DIRAS2: variants seen among roughly 807,000 people sequenced by gnomAD.
The protein encoded by DIRAS2 is DIRAS family GTPase 2, also known as GTP-binding protein Di-Ras2.
Under a neutral mutation model 13.9 loss-of-function variants are expected in DIRAS2, and 5 were observed. That is an observed-to-expected ratio of 0.36 (90% confidence interval 0.19 to 0.76). DIRAS2 has a LOEUF of 0.76. Among genes scored for constraint, DIRAS2 ranks in the 30% least tolerant of loss-of-function variants. The probability of loss-of-function intolerance (pLI) is 0.53; values close to 1 mark genes in which losing one functional copy is unlikely to be tolerated. For missense variants in DIRAS2, 191 were observed against 263.0 expected, an observed-to-expected ratio of 0.73 and a Z score of 1.89; for synonymous variants, 111 against 105.4, an observed-to-expected ratio of 1.05 and a Z score of -0.33.
At chr9:90,628,662 T>C (rs1022680677) in intron 1 of DIRAS2, among the ~76,000 whole-genome samples, 5 of 151,876 alleles carry the variant, frequency 3.3e-5, no homozygotes, top group African/African-American at 4.8e-5. Context: ...CCTCCCACCT[T>C]AGCATCCACA....
intron 1 of DIRAS2, among the ~76,000 whole-genome samples, chr9:90,617,680 G>A (rs1825182056): frequency 6.6e-6 from 1 of 152,084 alleles, no homozygotes; most frequent in African/African-American, 2.4e-5. Flanking sequence ...TGATGGACAA[G>A]GAGAAAAATT....
chr9:90,630,527 C>A (rs1219461750), intron 1 of DIRAS2, among the ~76,000 whole-genome samples: 1 of 152,148 alleles, frequency 6.6e-6, no homozygotes. Flanking sequence ...TTATAAAAAT[C>A]AGACTTTTAA....
intron 1 of DIRAS2, among the ~76,000 whole-genome samples, chr9:90,620,308 G>A (rs1042484788): frequency 2.6e-5 from 4 of 152,186 alleles, no homozygotes; most frequent in Non-Finnish European, 5.9e-5. Flanking sequence ...ACCCCAGTAT[G>A]AGAAATAACC....
chr9:90,641,749 G>A (rs912452630), intron 1 of DIRAS2, among the ~76,000 whole-genome samples: 9 of 152,106 alleles, frequency 5.9e-5, no homozygotes, highest in Non-Finnish European at 8.8e-5. Flanking sequence ...GACTTTTAGC[G>A]TTACCTGGAA....
chr9:90,625,798 G>A (rs1257344219), intron 1 of DIRAS2: 2 of 152,002 alleles, frequency 1.3e-5, no homozygotes, highest in East Asian at 3.8e-4. Context: ...ATCTATATGA[G>A]GCCCTTTGTA....
At chr9:90,625,242 C>T (rs559217417) in intron 1 of DIRAS2, among the ~76,000 whole-genome samples, 12 of 152,248 alleles carry the variant, frequency 7.9e-5, no homozygotes, top group Non-Finnish European at 1.5e-4. Flanking sequence ...ACTGTCAGCC[C>T]GTGGGCTACC....
intron 1 of DIRAS2, among the ~76,000 whole-genome samples, chr9:90,632,796 G>A (rs757950250): frequency 6.6e-5 from 10 of 152,224 alleles, no homozygotes; most frequent in African/African-American, 2.2e-4. Context: ...CCAGAACAAC[G>A]TAAGCAAAGA....
In DIRAS2 at chr9:90,613,461, A is replaced by G; in HGVS notation, c.367T>C (p.Cys123Arg). The G allele has an allele frequency of 6.2e-7, 1 of 1,613,796 alleles. No homozygotes were observed. The change falls in exon 2 of 2, where the codon TGT (cysteine) becomes CGT (arginine). Residue 123 changes from cysteine to arginine, a missense_variant. Cys to Arg is a radical substitution (Grantham distance 180, BLOSUM62 -3). Coordinates refer to ENST00000375765, the MANE Select transcript of DIRAS2 (RefSeq NM_017594.5). The surrounding 1 kb of genome is among the most constrained non-coding windows in gnomAD (Gnocchi z 5.6). Reference protein sequence around the residue: ...SIPIMLVGNKCDESPSREVQS... With the variant: ...SIPIMLVGNKRDESPSREVQS... ...ACCTCGCGGCTGGGGCTCTCATCAC[A>G]CTTGTTCCCCACCAGCATGATGGGG...
chr9:90,624,476 A>G (rs760366446), intron 1 of DIRAS2, among the ~76,000 whole-genome samples: 8 of 152,234 alleles, frequency 5.3e-5, no homozygotes, highest in Non-Finnish European at 1.2e-4. Context: ...AGAGGGTCTC[A>G]GCTGCTCATT....
rs1825130964 is a variant in DIRAS2 at position 90,613,082 on chromosome 9, C to A, written c.*146G>T. ...GGCTTACTGTTGGTGGTGTGAAACG[C>A]CCTCTTAAGGACAATAGGACGCATC... On this transcript the variant is annotated 3_prime_UTR_variant, in exon 2 of 2. Transcript: ENST00000375765. The surrounding 1 kb of genome is among the most constrained non-coding windows in gnomAD (Gnocchi z 5.6). 1.6e-6 allele frequency: 2 copies of A among 1,214,152 alleles called. No individual in the cohort carries two copies. The highest frequency in any genetic ancestry group is 2.3e-6 in the Non-Finnish European group (2 of 880,604). The allele number at this position is 1,214,152 out of a possible 1,614,324, so 75.2% of individuals were successfully genotyped here.
chr9:90,629,437 C>T (rs1337813820), intron 1 of DIRAS2, among the ~76,000 whole-genome samples: 2 of 151,886 alleles, frequency 1.3e-5, no homozygotes, highest in East Asian at 3.8e-4. Flanking sequence ...AACATTTTCC[C>T]GCTGTGGTAA....
intron 1 of DIRAS2, among the ~76,000 whole-genome samples, chr9:90,638,315 T>G (rs971610698): frequency 6.6e-6 from 1 of 152,208 alleles, no homozygotes; most frequent in Non-Finnish European, 1.5e-5. Context: ...AAAAAATAGA[T>G]AAGCACATGG....
chr9:90,636,953 T>C (rs1034848640), intron 1 of DIRAS2, among the ~76,000 whole-genome samples: 2 of 152,202 alleles, frequency 1.3e-5, no homozygotes, highest in African/African-American at 4.8e-5. Flanking sequence ...ACAGAACACC[T>C]TCATTAGCCT....
Position 90,611,283 on chromosome 9 carries a change from T to A in DIRAS2, c.*1945A>T, listed in dbSNP as rs1825110812. On this transcript the variant is annotated 3_prime_UTR_variant, in exon 2 of 2. Transcript: ENST00000375765. The stretch of plus-strand genomic sequence containing the variant: ...AGGAATCTGAAGGGGGCCACGGGAC[T>A]GGCCCAAATGCTCTTCACCCCCAGC... 1 of 152,262 alleles carries A rather than the reference T, an allele frequency of 6.6e-6. No homozygotes were observed. 9.4% of individuals were successfully genotyped at this position (152,262 alleles called of 1,614,324 possible).
Position 90,610,078 on chromosome 9 carries a change from G to C in DIRAS2, c.*3150C>G. 4.7e-6 allele frequency: 1 copy of C among 213,366 alleles called. No homozygotes were observed. The highest frequency in any genetic ancestry group is 1.9e-4 in the South Asian group (1 of 5,338). The allele number at this position is 213,366 out of a possible 1,614,324, so 13.2% of individuals were successfully genotyped here. On this transcript the variant is annotated 3_prime_UTR_variant, in exon 2 of 2. Coordinates refer to ENST00000375765, the MANE Select transcript of DIRAS2 (RefSeq NM_017594.5). ...TGTCCTTGTGGGGTATGAATTCCAG[G>C]ATGTGTCTTCAAGGATTTACATGTG...
intron 1 of DIRAS2, among the ~76,000 whole-genome samples, chr9:90,640,824 G>GA (rs1825412611): frequency 6.6e-6 from 1 of 152,122 alleles, no homozygotes; most frequent in Admixed American, 6.5e-5. Context: ...TTCTCTGGTG[G>GA]AAAAATGTAT....
intron 1 of DIRAS2, among the ~76,000 whole-genome samples, chr9:90,622,275 T>TACA (rs1306427787): frequency 4.8e-5 from 7 of 146,618 alleles, no homozygotes; most frequent in Admixed American, 1.4e-4. Flanking sequence ...AATACATACA[T>TACA]TCATACATAC....
rs1227806428 is a variant in DIRAS2 at position 90,613,298 on chromosome 9, T to C, written c.530A>G (p.Gln177Arg). ...CTGCTTGCTCTTTTTCCCGTCGATC[T>C]GGAGACTCACGGTCCTGCGCTTCTC... Reference protein sequence around the residue: ...NLEKRRTVSLQIDGKKSKQQK... With the variant: ...NLEKRRTVSLRIDGKKSKQQK... The change falls in exon 2 of 2, where the codon CAG becomes CGG. Residue 177 changes from glutamine (Q) to arginine (R), a missense_variant. Gln to Arg is a conservative substitution (Grantham distance 43). Coordinates refer to ENST00000375765, the MANE Select transcript of DIRAS2 (RefSeq NM_017594.5). This position sits in a 1 kb window ranked among gnomAD's most constrained non-coding sequence, Gnocchi z 5.6. 1.9e-6 allele frequency: 3 copies of C among 1,613,916 alleles called. No individual in the cohort carries two copies. The East Asian group carries it at 6.7e-5, about 36-fold the overall frequency.
Position 90,612,497 on chromosome 9 carries a change from T to A in DIRAS2, c.*731A>T, listed in dbSNP as rs1221742817. 1 of 152,326 alleles carries A rather than the reference T, an allele frequency of 6.6e-6. No homozygotes were observed. Among genetic ancestry groups the A allele is most frequent in the African/African-American group, 2.4e-5 (1 of 41,472 alleles). 9.4% of individuals were successfully genotyped at this position (152,326 alleles called of 1,614,324 possible). The stretch of plus-strand genomic sequence containing the variant: ...CAGGAACATTATTGCGATGTTTTAA[T>A]ACTGTCACGATATCCTCACTTAAAA... On this transcript the variant is annotated 3_prime_UTR_variant, in exon 2 of 2. Coordinates refer to ENST00000375765, the MANE Select transcript of DIRAS2 (RefSeq NM_017594.5).
Sources: allele counts gnomAD v4.1 joint callset (sites outside exome capture counted in the v4.1 genomes callset), GRCh38; gene constraint gnomAD v4.1.1; non-coding constraint Gnocchi (gnomAD v3.1); transcripts MANE v1.5; gene names NCBI Gene and HGNC (gene_info 2026-07-23, HGNC 2026-07-21).